The following AOAH variants were observed in gnomAD, a reference collection of about 807,000 sequenced individuals.
The protein encoded by AOAH is acyloxyacyl hydrolase (neutrophil).
A neutral mutation model predicts 92.2 loss-of-function variants in AOAH; 64 were observed. That is an observed-to-expected ratio of 0.69 (90% CI 0.57 to 0.86). The LOEUF (loss-of-function observed/expected upper bound fraction) is 0.86. Ranked by LOEUF, AOAH falls within the 40% of genes least tolerant of loss-of-function variation. AOAH has a pLI of 0.00. For synonymous variants in AOAH, 263 were observed against 254.5 expected (o/e 1.03, Z -0.32); for missense variants, 656 against 694.6 (o/e 0.94, Z 0.62).
chr7:36,529,717 G>A (rs571894025), intron 19 of AOAH, among the ~76,000 whole-genome samples: 41 of 152,238 alleles, frequency 2.7e-4, no homozygotes, highest in African/African-American at 9.9e-4. Flanking sequence ...TATAAAAATT[G>A]CTTAGCAATG....
chr7:36,705,259 T>G (rs1798320455), intron 1 of AOAH, among the ~76,000 whole-genome samples: 1 of 152,204 alleles, frequency 6.6e-6, no homozygotes. Context: ...GCCCAAAAAC[T>G]CCTTAAGCTG....
intron 11 of AOAH, among the ~76,000 whole-genome samples, chr7:36,615,438 C>A (rs1163348219): frequency 6.6e-6 from 1 of 152,126 alleles, no homozygotes; most frequent in African/African-American, 2.4e-5. Flanking sequence ...TGCACTGAGC[C>A]CTGCCAAGTA....
chr7:36,530,358 C>T, intron 19 of AOAH, 60 bp downstream of exon 19: 2 of 1,249,366 alleles, frequency 1.6e-6, no homozygotes. Flanking sequence ...AACCAGTTGC[C>T]CAGGCCCTAA....
chr7:36,635,302 C>T (rs577005883), intron 5 of AOAH, among the ~76,000 whole-genome samples: 19 of 152,144 alleles, frequency 1.2e-4, no homozygotes, highest in African/African-American at 3.9e-4. Context: ...TCTATTTAAC[C>T]GGCTTCCTGA....
intron 11 of AOAH, among the ~76,000 whole-genome samples, chr7:36,608,474 C>G (rs935889494): frequency 1.3e-5 from 2 of 152,184 alleles, no homozygotes; most frequent in African/African-American, 4.8e-5. Flanking sequence ...TGTCTCAGGC[C>G]TTAGCTAAAA....
chr7:36,608,016 T>C (rs1366057679), intron 11 of AOAH, among the ~76,000 whole-genome samples: 1 of 152,216 alleles, frequency 6.6e-6, no homozygotes, highest in Non-Finnish European at 1.5e-5. Flanking sequence ...TTAAGCCCTG[T>C]GAAGTCACCT....
chr7:36,625,962 G>A (rs550631491), intron 6 of AOAH, among the ~76,000 whole-genome samples: 2 of 152,268 alleles, frequency 1.3e-5, no homozygotes, highest in East Asian at 1.9e-4. Flanking sequence ...CAAGAAATGC[G>A]GAAAAAGCTT....
chr7:36,672,360 T>C (rs1188816801), intron 3 of AOAH, among the ~76,000 whole-genome samples: 1 of 152,200 alleles, frequency 6.6e-6, no homozygotes, highest in Non-Finnish European at 1.5e-5. Flanking sequence ...AGGATGTTCC[T>C]AGGAACCAAC....
chr7:36,604,166 C>A (rs370963411), intron 11 of AOAH, among the ~76,000 whole-genome samples: 16 of 152,120 alleles, frequency 1.1e-4, no homozygotes, highest in East Asian at 5.8e-4. Context: ...CCCTTCTCAT[C>A]GGCCCCACCT....
chr7:36,683,962 C>G (rs1034903776), intron 2 of AOAH, among the ~76,000 whole-genome samples: 2 of 151,600 alleles, frequency 1.3e-5, no homozygotes, highest in Non-Finnish European at 2.9e-5. Flanking sequence ...CCACTGCACT[C>G]CAGCCTGAGC....
At chr7:36,621,090 A>G (rs1301499568) in intron 8 of AOAH, among the ~76,000 whole-genome samples, 2 of 152,232 alleles carry the variant, frequency 1.3e-5, no homozygotes, top group Admixed American at 1.3e-4. Context: ...ATCATTGACT[A>G]TATTCATGGA....
intron 13 of AOAH, among the ~76,000 whole-genome samples, chr7:36,552,336 A>G (rs1786327729): frequency 6.6e-6 from 1 of 152,146 alleles, no homozygotes; most frequent in South Asian, 2.1e-4. Context: ...ACATGATCTC[A>G]TTCCTTTTTA....
intron 3 of AOAH, among the ~76,000 whole-genome samples, chr7:36,671,281 A>G (rs78423991): frequency 0.02 from 3,002 of 152,302 alleles, 99 homozygotes; most frequent in African/African-American, 0.069. Flanking sequence ...CTTAAGTATT[A>G]CACCTGGGCC....
intron 1 of AOAH, among the ~76,000 whole-genome samples, chr7:36,701,942 T>A (rs1798059719): frequency 6.6e-6 from 1 of 152,114 alleles, no homozygotes. Flanking sequence ...ATTTAGATGT[T>A]CATATTTCCA....
intron 12 of AOAH, among the ~76,000 whole-genome samples, chr7:36,590,925 C>T (rs1789694440): frequency 6.6e-6 from 1 of 152,052 alleles, no homozygotes; most frequent in African/African-American, 2.4e-5. Context: ...GGAGATTGGC[C>T]TAGCACAAAT....
chr7:36,513,294 G>C lies in AOAH; in HGVS notation c.1686C>G (p.Asn562Lys). The C allele has an allele frequency of 6.2e-7, 1 of 1,614,178 alleles. No individual in the cohort carries two copies. The highest frequency in any genetic ancestry group is 8.5e-7 in the Non-Finnish European group (1 of 1,180,022). ...CTCCAAACACCTGTTTAATCTGGGG[G>C]TTGAACGGATTCTCCTTTCCCAGGA... ...PQILGKENPF[N>K]PQIKQVFGDQ... The change falls in exon 21 of 21, where the codon AAC (asparagine) becomes AAG (lysine). Residue 562 changes from asparagine (N) to lysine (K), a missense_variant. Asn to Lys is a moderately conservative substitution (Grantham distance 94). Coordinates refer to ENST00000617537, the MANE Select transcript of AOAH (RefSeq NM_001637.4).
chr7:36,666,495 G>A (rs1795543764), intron 3 of AOAH, among the ~76,000 whole-genome samples: 1 of 151,838 alleles, frequency 6.6e-6, no homozygotes, highest in African/African-American at 2.4e-5. Flanking sequence ...AAAAAATCTA[G>A]CTTTTGGTTT....
rs1243414013 is a variant in AOAH at position 36,614,169 on chromosome 7, G to A, written c.846+2211C>T. Among the ~76,000 whole-genome samples, 5 of 152,186 alleles carry A rather than the reference G, an allele frequency of 3.3e-5. No individual in the cohort carries two copies. Among genetic ancestry groups the A allele is most frequent in the Non-Finnish European group, 5.9e-5 (4 of 68,040 alleles). On this transcript the variant is annotated intron_variant, in intron 11 of 20. Coordinates refer to ENST00000617537, the MANE Select transcript of AOAH (RefSeq NM_001637.4). The surrounding 1 kb of genome is among the most constrained non-coding windows in gnomAD (Gnocchi z 4.2). ...CACCGTGCCCATGTCCCTTTCTCGA[G>A]GGCAGGGGCACCACCCCCTTCTCTA...
intron 11 of AOAH, chr7:36,594,663 T>G (rs975172513): frequency 3.5e-6 from 2 of 566,406 alleles, no homozygotes; most frequent in African/African-American, 3.8e-5. Flanking sequence ...TTGTGAAACA[T>G]GCAGAACATT....
Sources: allele counts gnomAD v4.1 joint callset (sites outside exome capture counted in the v4.1 genomes callset), GRCh38; gene constraint gnomAD v4.1.1; non-coding constraint Gnocchi (gnomAD v3.1); transcripts MANE v1.5; gene names NCBI Gene and HGNC (gene_info 2026-07-23, HGNC 2026-07-21).